Variants in SDK1 observed in about 807,000 individuals in gnomAD.
SDK1 encodes the protein protein sidekick-1.
A neutral mutation model predicts 245.5 loss-of-function variants in SDK1; 157 were observed. The observed-to-expected ratio is 0.64, with a 90% CI of 0.56 to 0.73. The LOEUF (loss-of-function observed/expected upper bound fraction) is 0.73. SDK1 is among the 30% of genes least tolerant of loss of function. The pLI is 0.00. For synonymous variants in SDK1, 1,647 were observed against 1,278.5 expected, an observed-to-expected ratio of 1.29 and a Z score of -6.15; for missense variants, 3,583 against 3,002.3, an observed-to-expected ratio of 1.19 and a Z score of -4.52.
At chr7:3,673,207 A>G (rs767494008) in intron 4 of SDK1, among the ~76,000 whole-genome samples, 87 of 152,294 alleles carry the variant, frequency 5.7e-4, no homozygotes, top group Admixed American at 9.1e-4. Flanking sequence ...TACAGACAGG[A>G]TATTGACTAC....
chr7:4,042,214 G>C lies in SDK1; in HGVS notation c.2603-7134G>C, dbSNP rs1788689333. ...CCCTGTGTAACCTATCCGAGGCACAGTGAGAGACCACTGCACTGTCCCACC... is the reference window on the plus strand; with the variant it reads ...CCCTGTGTAACCTATCCGAGGCACACTGAGAGACCACTGCACTGTCCCACC... On this transcript the variant is annotated intron_variant, in intron 17 of 44. Coordinates refer to ENST00000404826, the MANE Select transcript of SDK1 (RefSeq NM_152744.4). Among the ~76,000 whole-genome samples, 3 of 136,260 alleles carry C rather than the reference G, an allele frequency of 2.2e-5. 1 individual carries two copies. In the South Asian group the frequency reaches 6.7e-4, roughly 31 times the overall value. 89.4% of individuals were successfully genotyped at this position (136,260 alleles called of 152,430 possible). A position where few individuals can be genotyped will look rare whatever the true frequency, so the allele number is the denominator to read the frequency against.
chr7:3,986,741 A>G (rs951636722), intron 13 of SDK1, among the ~76,000 whole-genome samples: 4 of 152,166 alleles, frequency 2.6e-5, no homozygotes, highest in Non-Finnish European at 5.9e-5. Context: ...GGCGCCTATA[A>G]TCCCACCTAC....
At chr7:3,849,754 T>C (rs772375292) in intron 5 of SDK1, among the ~76,000 whole-genome samples, 2 of 152,210 alleles carry the variant, frequency 1.3e-5, no homozygotes, top group Non-Finnish European at 2.9e-5. Flanking sequence ...AAGTAGTCTT[T>C]TAGTTAGCAG....
At chr7:3,884,022 A>G (rs1168720050) in intron 5 of SDK1, among the ~76,000 whole-genome samples, 7 of 151,280 alleles carry the variant, frequency 4.6e-5, no homozygotes, top group African/African-American at 1.5e-4. Context: ...ACTTTACACA[A>G]TGTCATTCTA....
intron 4 of SDK1, among the ~76,000 whole-genome samples, chr7:3,658,997 C>T (rs946870774): frequency 2.6e-5 from 4 of 152,080 alleles, no homozygotes; most frequent in African/African-American, 9.7e-5. Flanking sequence ...ATCTTTCTTC[C>T]CACTTCTCAG....
At chr7:4,018,049 T>G (rs1786560860) in intron 17 of SDK1, among the ~76,000 whole-genome samples, 1 of 152,208 alleles carries the variant, frequency 6.6e-6, no homozygotes, top group Admixed American at 6.5e-5. Context: ...ACATCTGCAT[T>G]TCACTGTTAC....
intron 5 of SDK1, among the ~76,000 whole-genome samples, chr7:3,905,614 T>C (rs1371550147): frequency 6.6e-6 from 1 of 152,196 alleles, no homozygotes; most frequent in East Asian, 1.9e-4. Context: ...TAGAATCATG[T>C]CCTTTATCAA....
intron 1 of SDK1, among the ~76,000 whole-genome samples, chr7:3,422,516 G>A (rs139325849): frequency 6.6e-6 from 1 of 151,836 alleles, no homozygotes; most frequent in African/African-American, 2.4e-5. Context: ...ATTATTGCTG[G>A]GTGTGGTGGC....
intron 1 of SDK1, among the ~76,000 whole-genome samples, chr7:3,499,982 G>A (rs59971325): frequency 0.081 from 12,380 of 152,216 alleles, 741 homozygotes; most frequent in African/African-American, 0.16. Flanking sequence ...GGGAATTGAC[G>A]GAGATAGAGT....
Position 4,118,622 on chromosome 7 carries a change from C to A in SDK1, c.3823+4348C>A, listed in dbSNP as rs556810563. Among the ~76,000 whole-genome samples, 15 of 150,158 alleles carry A rather than the reference C, an allele frequency of 1.0e-4. 1 individual carries two copies. The highest frequency in any genetic ancestry group is 2.2e-4 in the Non-Finnish European group (15 of 66,992). On this transcript the variant is annotated intron_variant, in intron 25 of 44. Transcript: ENST00000404826. ...AAACATATGTCTACACAAAATCTTG[C>A]ACATAAATGTTCATAGCAGCTTTAT...
chr7:4,106,410 T>G (rs932057880), intron 22 of SDK1, among the ~76,000 whole-genome samples: 7 of 151,838 alleles, frequency 4.6e-5, no homozygotes, highest in African/African-American at 1.7e-4. Context: ...TTCATGCCAT[T>G]CTCCTGCCTC....
Position 4,118,829 on chromosome 7 carries a change from G to A in SDK1, c.3823+4555G>A, listed in dbSNP as rs1222300706. ...TAAGTGAAAGAGACCAGGCACAAGA[G>A]ACCACATATTGTGTGATTCTATTTG... On this transcript the variant is annotated intron_variant, in intron 25 of 44. Transcript: ENST00000404826. Among the ~76,000 whole-genome samples, 7 of 148,890 alleles carry A rather than the reference G, an allele frequency of 4.7e-5. 1 individual carries two copies. Among genetic ancestry groups the A allele is most frequent in the African/African-American group, 1.7e-4 (7 of 40,726 alleles).
chr7:3,512,549 G>C (rs1295368027), intron 1 of SDK1, among the ~76,000 whole-genome samples: 1 of 152,198 alleles, frequency 6.6e-6, no homozygotes, highest in Admixed American at 6.5e-5. Flanking sequence ...GTCCTCAGAA[G>C]TGACTGTAAC....
At chr7:3,989,250 C>G (rs878995639) in intron 14 of SDK1, among the ~76,000 whole-genome samples, 1 of 152,212 alleles carries the variant, frequency 6.6e-6, no homozygotes, top group Non-Finnish European at 1.5e-5. Context: ...AGTCATGTCT[C>G]ACATGGCGGC....
At chr7:3,895,231 ATATT>A (rs1445714307) in intron 5 of SDK1, among the ~76,000 whole-genome samples, 2 of 152,120 alleles carry the variant, frequency 1.3e-5, no homozygotes, top group African/African-American at 2.4e-5. Flanking sequence ...AATCATTCTT[ATATT>A]TATTTATTGG....
intron 18 of SDK1, among the ~76,000 whole-genome samples, chr7:4,050,219 G>A (rs1789348047): frequency 6.6e-6 from 1 of 152,192 alleles, no homozygotes; most frequent in African/African-American, 2.4e-5. Flanking sequence ...CACATTCAGA[G>A]GGTGAGTTTC....
chr7:4,025,097 C>T (rs1787235484), intron 17 of SDK1, among the ~76,000 whole-genome samples: 1 of 152,036 alleles, frequency 6.6e-6, no homozygotes, highest in Non-Finnish European at 1.5e-5. Flanking sequence ...TGTATGTGTA[C>T]TTTGGTATTT....
At chr7:3,909,470 A>G (rs1779078390) in intron 5 of SDK1, among the ~76,000 whole-genome samples, 2 of 152,130 alleles carry the variant, frequency 1.3e-5, no homozygotes, top group South Asian at 2.1e-4. Context: ...GCTCAGGTTC[A>G]TATGGCCACA....
rs192151313 is a variant in SDK1 at position 3,618,827 on chromosome 7, G to A, written c.299-253G>A. 2.0e-5 allele frequency among the ~76,000 whole-genome samples: 3 copies of A among 152,292 alleles called. No individual in the cohort carries two copies. The East Asian group carries it at 5.8e-4, about 29-fold the overall frequency. The stretch of plus-strand genomic sequence containing the variant: ...TTCAATAAGCTATTAACCATAAGTG[G>A]AAATAACTTGGATGAACCTGTCAGA... On this transcript the variant is annotated intron_variant, in intron 1 of 44. Transcript: ENST00000404826.
Sources: allele counts gnomAD v4.1 joint callset (sites outside exome capture counted in the v4.1 genomes callset), GRCh38; gene constraint gnomAD v4.1.1; transcripts MANE v1.5; gene names NCBI Gene and HGNC (gene_info 2026-07-23, HGNC 2026-07-21).